Variants in LHX4 observed in about 807,000 individuals in gnomAD.
The protein encoded by LHX4 is LIM homeobox 4.
A neutral mutation model predicts 39.2 loss-of-function variants in LHX4; 16 were observed. The ratio of observed to expected loss-of-function variants is 0.41; its 90% CI spans 0.28 to 0.62. The LOEUF is 0.62. LHX4 is among the 20% of genes least tolerant of loss of function. The pLI is 0.33. For missense variants in LHX4, 439 were observed against 511.9 expected (o/e 0.86, Z 1.37); for synonymous variants, 206 against 198.1 (o/e 1.04, Z -0.33).
At position 180,272,098 on chromosome 1, in the gene LHX4, C is replaced by T. The variant is rs887831132; in HGVS notation, c.778+92C>T. On this transcript the variant is annotated intron_variant, in intron 5 of 5. Coordinates refer to ENST00000263726, the MANE Select transcript of LHX4 (RefSeq NM_033343.4). Reference sequence around the variant, plus strand: ...CACTCAGGAGGGATCTTTCTTGAGGCCTTGGCAACTCCCTCCTGAACACAG... The same window carrying T: ...CACTCAGGAGGGATCTTTCTTGAGGTCTTGGCAACTCCCTCCTGAACACAG... 10 of 1,168,394 alleles carry T rather than the reference C, an allele frequency of 8.6e-6. No homozygotes were observed. The African/African-American group carries it at 1.5e-4, about 18-fold the overall frequency. The allele number at this position is 1,168,394 out of a possible 1,614,324, so 72.4% of individuals were successfully genotyped here.
intron 2 of LHX4, among the ~76,000 whole-genome samples, chr1:180,249,481 C>T (rs1647513066): frequency 6.6e-6 from 1 of 152,206 alleles, no homozygotes; most frequent in Non-Finnish European, 1.5e-5. Flanking sequence ...ACGCTGAGCC[C>T]TGTGTTCAGT....
At position 180,230,970 on chromosome 1, in the gene LHX4, G is replaced by C. The variant is rs79762096; in HGVS notation, c.76+365G>C. On this transcript the variant is annotated intron_variant, in intron 1 of 5. Coordinates refer to ENST00000263726, the MANE Select transcript of LHX4 (RefSeq NM_033343.4). The surrounding 1 kb of genome is among the most constrained non-coding windows in gnomAD (Gnocchi z 5.8). ...TCCCCACAAATCTTCTTTCGCCGGC[G>C]TGACGGTCAGCGCTTGCAGGACCGC... Among the ~76,000 whole-genome samples, 19 of 152,274 alleles carry C rather than the reference G, an allele frequency of 1.2e-4. 1 individual carries two copies. In the East Asian group the frequency reaches 3.5e-3, roughly 28 times the overall value.
chr1:180,260,891 C>T (rs1012167587), intron 2 of LHX4, among the ~76,000 whole-genome samples: 6 of 151,810 alleles, frequency 4.0e-5, no homozygotes, highest in Admixed American at 2.6e-4. Context: ...TTCTCTCGCT[C>T]GTTGCCCTTG....
At chr1:180,236,335 C>T (rs947256554) in intron 1 of LHX4, among the ~76,000 whole-genome samples, 1 of 152,136 alleles carries the variant, frequency 6.6e-6, no homozygotes, top group African/African-American at 2.4e-5. Flanking sequence ...TGTAGACAGC[C>T]TCAAGTCCTA....
At position 180,274,372 on chromosome 1, in the gene LHX4, C is replaced by T. The variant is rs754307118; in HGVS notation, c.966C>T (p.Ser322=). The change falls in exon 6 of 6, where the codon TCC becomes TCT. Residue 322 remains serine (S), a synonymous_variant. Coordinates refer to ENST00000263726, the MANE Select transcript of LHX4 (RefSeq NM_033343.4). ...QSPSSISSLP[S]HAPLLNGLDY... ...CATCCTCCATATCGTCCCTGCCATC[C>T]CACGCTCCTTTGCTCAATGGGCTGG... 1 of 1,614,090 alleles carries T rather than the reference C, an allele frequency of 6.2e-7. No homozygotes were observed. Among genetic ancestry groups the T allele is most frequent in the African/African-American group, 1.3e-5 (1 of 74,916 alleles).
chr1:180,237,014 G>C (rs1664336022), intron 1 of LHX4, among the ~76,000 whole-genome samples: 1 of 152,192 alleles, frequency 6.6e-6, no homozygotes, highest in Non-Finnish European at 1.5e-5. Context: ...GCCCATAACA[G>C]AGATGTGGGC....
At chr1:180,273,166 A>C (rs1016577020) in intron 5 of LHX4, 1 of 152,292 alleles carries the variant, frequency 6.6e-6, no homozygotes, top group African/African-American at 2.4e-5. Context: ...CCAGGTGGAA[A>C]TAGAAAAGGA....
At position 180,278,190 on chromosome 1, in the gene LHX4, A is replaced by G. The variant is rs1298191314; in HGVS notation, c.*3611A>G. 1 of 152,178 alleles carries G rather than the reference A, an allele frequency of 6.6e-6. No individual in the cohort carries two copies. The highest frequency in any genetic ancestry group is 1.9e-4 in the East Asian group (1 of 5,202). The allele number at this position is 152,178 out of a possible 1,614,324, so 9.4% of individuals were successfully genotyped here. A position where few individuals can be genotyped will look rare whatever the true frequency, so the allele number is the denominator to read the frequency against. Reference sequence around the variant, plus strand: ...CAGCCAGCAGGGTCTGGAAGGCCTGAGGAGGCTCATTTTTAAACACTGCAC... The same window carrying G: ...CAGCCAGCAGGGTCTGGAAGGCCTGGGGAGGCTCATTTTTAAACACTGCAC... On this transcript the variant is annotated 3_prime_UTR_variant, in exon 6 of 6. Transcript: ENST00000263726.
chr1:180,240,721 G>A (rs1194118473), intron 1 of LHX4, among the ~76,000 whole-genome samples: 1 of 152,166 alleles, frequency 6.6e-6, no homozygotes, highest in African/African-American at 2.4e-5. Context: ...AGAGGGGTGT[G>A]GGCAGTTTGG....
Position 180,248,937 on chromosome 1 carries a change from G to A in LHX4, c.248+481G>A, listed in dbSNP as rs556618311. ...CCTGCTTCAAGGGCCTTAGAGGCTT[G>A]CAAGAGTTGCTTCTGGCAGGAGGCA... On this transcript the variant is annotated intron_variant, in intron 2 of 5. Transcript: ENST00000263726. 2.5e-4 allele frequency among the ~76,000 whole-genome samples: 38 copies of A among 152,356 alleles called. No homozygotes were observed. In the South Asian group the frequency reaches 7.9e-3, roughly 32 times the overall value.
At chr1:180,256,932 A>G (rs1647882071) in intron 2 of LHX4, among the ~76,000 whole-genome samples, 2 of 152,228 alleles carry the variant, frequency 1.3e-5, no homozygotes, top group African/African-American at 4.8e-5. Flanking sequence ...AGAAGGGAAT[A>G]CTAATCCCTC....
At chr1:180,242,602 C>A (rs916280597) in intron 1 of LHX4, among the ~76,000 whole-genome samples, 1 of 152,108 alleles carries the variant, frequency 6.6e-6, no homozygotes, top group Non-Finnish European at 1.5e-5. Context: ...TATGCCTCGA[C>A]TATGTCCCTC....
chr1:180,230,249 A>ACG (rs1553278149), upstream of LHX4: 52 of 494,806 alleles, frequency 1.1e-4, no homozygotes, highest in Non-Finnish European at 1.2e-4. This position sits in a 1 kb window ranked among gnomAD's most constrained non-coding sequence, Gnocchi z 5.8. Flanking sequence ...CGGGGGAGGG[A>ACG]AGAGGAAAAA....
chr1:180,258,385 G>A (rs1162257854), intron 2 of LHX4, among the ~76,000 whole-genome samples: 2 of 152,218 alleles, frequency 1.3e-5, no homozygotes, highest in Non-Finnish European at 2.9e-5. Flanking sequence ...AGGCGATGGC[G>A]CTGGGATGCC....
chr1:180,238,171 T>A (rs1664368781), intron 1 of LHX4, among the ~76,000 whole-genome samples: 1 of 152,234 alleles, frequency 6.6e-6, no homozygotes, highest in Non-Finnish European at 1.5e-5. Context: ...CGAAATTATC[T>A]CCAGTTTACT....
chr1:180,231,393 A>G lies in LHX4; in HGVS notation c.76+788A>G, dbSNP rs555176931. On this transcript the variant is annotated intron_variant, in intron 1 of 5. Transcript: ENST00000263726. ...TCTTCCCGCGCCCGAAATTAGCGAG[A>G]CAGCCGGAGCTCGCGGCGTGTTTAT... is the stretch of plus-strand genomic sequence containing the variant. 7.3e-4 allele frequency among the ~76,000 whole-genome samples: 111 copies of G among 151,726 alleles called. 1 individual carries two copies. The highest frequency in any genetic ancestry group is 6.8e-3 in the Middle Eastern group (2 of 294).
intron 5 of LHX4, 173 bp from the exon 6 acceptor site, chr1:180,274,012 G>A (rs978505637): frequency 2.8e-6 from 2 of 705,098 alleles, no homozygotes; most frequent in Admixed American, 2.5e-5. Flanking sequence ...CTTGGCCTGG[G>A]TTGGCCTCTG....
rs1030203211 is a variant in LHX4 at position 180,278,108 on chromosome 1, C to T, written c.*3529C>T. On this transcript the variant is annotated 3_prime_UTR_variant, in exon 6 of 6. Coordinates refer to ENST00000263726, the MANE Select transcript of LHX4 (RefSeq NM_033343.4). ...CAGTCCACTCTCTGCACCTACACTTCCACGTGCCACGACTGACAACTTGGT... is the reference window on the plus strand; with the variant it reads ...CAGTCCACTCTCTGCACCTACACTTTCACGTGCCACGACTGACAACTTGGT... 12 of 152,234 alleles carry T rather than the reference C, an allele frequency of 7.9e-5. No individual in the cohort carries two copies. Among genetic ancestry groups the T allele is most frequent in the Non-Finnish European group, 1.2e-4 (8 of 68,044 alleles). The allele number at this position is 152,234 out of a possible 1,614,324, so 9.4% of individuals were successfully genotyped here.
In LHX4 at chr1:180,274,752, T is replaced by G; in HGVS notation, c.*173T>G. On this transcript the variant is annotated 3_prime_UTR_variant, in exon 6 of 6. Coordinates refer to ENST00000263726, the MANE Select transcript of LHX4 (RefSeq NM_033343.4). ...TGTGAGACCACACTAGGGCATTGTTTCCCTGGGGAAGCAGTGGGAGAGCAG... is the reference window on the plus strand; with the variant it reads ...TGTGAGACCACACTAGGGCATTGTTGCCCTGGGGAAGCAGTGGGAGAGCAG... The G allele has an allele frequency of 1.4e-6, 1 of 736,084 alleles. No homozygotes were observed. Among genetic ancestry groups the G allele is most frequent in the Non-Finnish European group, 2.2e-6 (1 of 464,560 alleles). The allele number at this position is 736,084 out of a possible 1,614,324, so 45.6% of individuals were successfully genotyped here. A position where few individuals can be genotyped will look rare whatever the true frequency, so the allele number is the denominator to read the frequency against.
Sources: gnomAD v4.1 joint callset for allele counts (sites outside exome capture counted in the v4.1 genomes callset) on GRCh38, gnomAD v4.1.1 for gene constraint, Gnocchi (gnomAD v3.1) non-coding constraint, MANE v1.5 for transcripts, NCBI Gene and HGNC (gene_info 2026-07-23, HGNC 2026-07-21) for gene names.